The following LACTB2 variants were observed in gnomAD, a reference collection of about 807,000 sequenced individuals.
LACTB2 encodes the protein lactamase beta 2.
Under a neutral mutation model 34.8 loss-of-function variants are expected in LACTB2, and 32 were observed. That is an observed-to-expected ratio of 0.92 (90% CI 0.69 to 1.24). The LOEUF is 1.24. Among genes scored for constraint, LACTB2 ranks in the 50% most tolerant of loss-of-function variants. The pLI is 0.00. For synonymous variants in LACTB2, 120 were observed against 117.5 expected, an observed-to-expected ratio of 1.02 and a Z score of -0.14; for missense variants, 320 against 345.0, an observed-to-expected ratio of 0.93 and a Z score of 0.57.
At chr8:70,647,416 C>A (rs200646694) in intron 3 of LACTB2, among the ~76,000 whole-genome samples, 2 of 152,020 alleles carry the variant, frequency 1.3e-5, no homozygotes, top group African/African-American at 4.8e-5. Flanking sequence ...CCACACCTGG[C>A]TAATTTTTGT....
rs551150058 is a variant in LACTB2, at chr8:70,661,507, C to T, written c.286+227G>A. 1.4e-5 allele frequency: 6 copies of T among 423,150 alleles called. No homozygotes were observed. In the East Asian group the frequency reaches 2.2e-4, roughly 16 times the overall value. 26.2% of individuals were successfully genotyped at this position (423,150 alleles called of 1,614,324 possible). A position where few individuals can be genotyped will look rare whatever the true frequency, so the allele number is the denominator to read the frequency against. On this transcript the variant is annotated intron_variant, in intron 2 of 6. Coordinates refer to ENST00000276590, the MANE Select transcript of LACTB2 (RefSeq NM_016027.3). Reference sequence around the variant, plus strand: ...AGTTATGATTAAGTCTGAATAGTAACTCACACACTAAAGTAAAATTGAGGA... The same window carrying T: ...AGTTATGATTAAGTCTGAATAGTAATTCACACACTAAAGTAAAATTGAGGA...
At chr8:70,655,221 T>TA (rs1007044726) in intron 3 of LACTB2, among the ~76,000 whole-genome samples, 36 of 9,832 alleles carry the variant, frequency 3.7e-3, no homozygotes, top group African/African-American at 7.0e-3. Flanking sequence ...TTAATTCCTA[T>TA]TTTTTTTTTT....
At position 70,648,483 on chromosome 8, in the gene LACTB2, CAGAAA is replaced by C. The variant is rs1459576405; in HGVS notation, c.414-4245_414-4241del. Among the ~76,000 whole-genome samples, 6 of 151,550 alleles carry C rather than the reference CAGAAA, an allele frequency of 4.0e-5. No individual in the cohort carries two copies. In the East Asian group the frequency reaches 1.2e-3, roughly 29 times the overall value. On this transcript the variant is annotated intron_variant, in intron 3 of 6. Transcript: ENST00000276590. ...TTTCTGAAAATTACAAATCTGAGAA[CAGAAA>C]TAAAAACATGTAGTAAGATTAGGCG...
At chr8:70,638,744 A>ATTTTT in intron 5 of LACTB2, 115 bp from the exon 6 acceptor site, 1 of 636,210 alleles carries the variant, frequency 1.6e-6, no homozygotes, top group Non-Finnish European at 2.2e-6. Context: ...TCTTAAACAC[A>ATTTTT]TTTTTTTTTT....
In LACTB2 at chr8:70,669,143, CGTGTCGCCT is replaced by C. The variant is rs764369070; in HGVS notation, c.-32_-24del. The C allele has an allele frequency of 5.0e-6, 8 of 1,611,082 alleles. No homozygotes were observed. In the East Asian group the frequency reaches 1.6e-4, roughly 31 times the overall value. On this transcript the variant is annotated 5_prime_UTR_variant, in exon 1 of 7. It adds an upstream start codon to the 5' untranslated region. Coordinates refer to ENST00000276590, the MANE Select transcript of LACTB2 (RefSeq NM_016027.3). The stretch of plus-strand genomic sequence containing the variant: ...CATTCCCGCCTCAGCCGCCCGCCGG[CGTGTCGCCT>C]ATCTGGATACTCCAGCGCGGAAGAA...
At chr8:70,649,660 T>G (rs991570478) in intron 3 of LACTB2, among the ~76,000 whole-genome samples, 2 of 152,210 alleles carry the variant, frequency 1.3e-5, no homozygotes, top group Non-Finnish European at 2.9e-5. Context: ...TAATTTTTTC[T>G]TAGTGGAAAG....
intron 2 of LACTB2, among the ~76,000 whole-genome samples, chr8:70,659,548 G>A (rs1370538009): frequency 1.3e-5 from 2 of 152,080 alleles, no homozygotes; most frequent in Non-Finnish European, 2.9e-5. Context: ...GAGGCCGAAG[G>A]AAAACAATGA....
intron 3 of LACTB2, among the ~76,000 whole-genome samples, chr8:70,644,754 A>C (rs1336212603): frequency 1.3e-5 from 2 of 152,202 alleles, no homozygotes; most frequent in Non-Finnish European, 2.9e-5. Flanking sequence ...TGCTGGGATT[A>C]CAGGCATTAG....
At chr8:70,657,303 CTT>C (rs1310447627) in intron 3 of LACTB2, among the ~76,000 whole-genome samples, 2 of 151,768 alleles carry the variant, frequency 1.3e-5, no homozygotes, top group Non-Finnish European at 2.9e-5. Flanking sequence ...AGAGTGAAGT[CTT>C]TCTTTTCTCA....
At chr8:70,646,449 G>C (rs1463105652) in intron 3 of LACTB2, 1 of 152,144 alleles carries the variant, frequency 6.6e-6, no homozygotes, top group Non-Finnish European at 1.5e-5. Flanking sequence ...AAGAAAAAAT[G>C]CTCATCATCA....
chr8:70,639,893 C>A (rs1275044859), intron 5 of LACTB2, among the ~76,000 whole-genome samples: 1 of 152,056 alleles, frequency 6.6e-6, no homozygotes, highest in Non-Finnish European at 1.5e-5. Context: ...ACCCAGGAGG[C>A]AGAGGTTGTG....
chr8:70,643,208 C>CTTTTTTTT (rs66482767), intron 4 of LACTB2, among the ~76,000 whole-genome samples: 1 of 76,218 alleles, frequency 1.3e-5, no homozygotes, highest in Non-Finnish European at 2.5e-5. Flanking sequence ...GTGTATTTTC[C>CTTTTTTTT]TTTTTTTTTT....
intron 5 of LACTB2, among the ~76,000 whole-genome samples, chr8:70,639,775 C>G (rs1818172828): frequency 6.6e-6 from 1 of 151,758 alleles, no homozygotes; most frequent in Non-Finnish European, 1.5e-5. Context: ...CCAGTCTGAC[C>G]AACATTGAGA....
At chr8:70,654,108 A>C (rs1818378884) in intron 3 of LACTB2, 1 of 152,232 alleles carries the variant, frequency 6.6e-6, no homozygotes, top group South Asian at 2.1e-4. Flanking sequence ...ACAACTTAGT[A>C]AGTGCTATTA....
chr8:70,643,721 GCC>G (rs1818228909), intron 4 of LACTB2, among the ~76,000 whole-genome samples: 1 of 152,060 alleles, frequency 6.6e-6, no homozygotes, highest in African/African-American at 2.4e-5. Flanking sequence ...CACCATGTTG[GCC>G]AGGCTGGTCT....
intron 3 of LACTB2, chr8:70,651,890 C>G (rs1309247562): frequency 6.6e-6 from 1 of 152,100 alleles, no homozygotes; most frequent in Non-Finnish European, 1.5e-5. Context: ...CTTCCTATTT[C>G]GCAGGTAGAA....
At chr8:70,666,914 T>C (rs1225051464) in intron 1 of LACTB2, among the ~76,000 whole-genome samples, 1 of 152,174 alleles carries the variant, frequency 6.6e-6, no homozygotes, top group African/African-American at 2.4e-5. Context: ...CAGTGAGTCA[T>C]GCAAATAGAT....
In LACTB2 at chr8:70,639,800, T is replaced by G. The variant is rs184967538; in HGVS notation, c.741+1102A>C. Among the ~76,000 whole-genome samples the G allele has an allele frequency of 4.9e-3, 737 of 151,906 alleles. 4 individuals carry two copies. Among genetic ancestry groups the G allele is most frequent in the Non-Finnish European group, 8.3e-3 (561 of 67,918 alleles). ...CAACATTGAGAAACACCATCTCTAC[T>G]AAAAATACAAAATTAGCTGGGTATG... On this transcript the variant is annotated intron_variant, in intron 5 of 6. Coordinates refer to ENST00000276590, the MANE Select transcript of LACTB2 (RefSeq NM_016027.3).
At chr8:70,660,968 C>G (rs755784440) in intron 2 of LACTB2, 3 of 454,336 alleles carry the variant, frequency 6.6e-6, no homozygotes, top group South Asian at 4.7e-5. Context: ...TTTGTAGAGA[C>G]AGGGTCTTGC....
Sources: gnomAD v4.1 joint callset for allele counts (sites outside exome capture counted in the v4.1 genomes callset) on GRCh38, gnomAD v4.1.1 for gene constraint, MANE v1.5 for transcripts, NCBI Gene and HGNC (gene_info 2026-07-23, HGNC 2026-07-21) for gene names.